CCSER1: variants seen among roughly 807,000 people sequenced by gnomAD.
CCSER1 encodes the protein coiled-coil serine rich protein 1, also known as serine-rich coiled-coil domain-containing protein 1.
CCSER1 carries 41 observed loss-of-function variants against 82.0 expected under a neutral mutation model. The ratio of observed to expected loss-of-function variants is 0.50; its 90% CI spans 0.39 to 0.65. CCSER1 has a LOEUF of 0.65. CCSER1 is among the 30% of genes least tolerant of loss of function. The pLI is 0.00. For missense variants in CCSER1, 1,119 were observed against 1,064.2 expected, an observed-to-expected ratio of 1.05 and a Z score of -0.72; for synonymous variants, 414 against 383.9, an observed-to-expected ratio of 1.08 and a Z score of -0.92.
rs150085533 is a variant in CCSER1 at position 90,524,003 on chromosome 4, A to G, written c.1724+55649A>G. 7.3e-4 allele frequency among the ~76,000 whole-genome samples: 111 copies of G among 152,166 alleles called. 1 individual carries two copies. The highest frequency in any genetic ancestry group is 4.6e-4 in the Non-Finnish European group (31 of 67,982). On this transcript the variant is annotated intron_variant, in intron 5 of 10. Coordinates refer to ENST00000509176, the MANE Select transcript of CCSER1 (RefSeq NM_001145065.2). ...CATCTCTTTCCATATATGACTAACA[A>G]TTCTAAATATCATTTGTAGTGTTCA...
chr4:90,473,046 T>C (rs1764603409), intron 5 of CCSER1, among the ~76,000 whole-genome samples: 1 of 152,140 alleles, frequency 6.6e-6, no homozygotes, highest in Admixed American at 6.5e-5. Flanking sequence ...AATCCTACTG[T>C]TAAAAGTATA....
Position 90,732,991 on chromosome 4 carries a change from T to C in CCSER1, c.2010+9000T>C, listed in dbSNP as rs146634963. 1.6e-3 allele frequency among the ~76,000 whole-genome samples: 249 copies of C among 152,330 alleles called. 1 individual carries two copies. Among genetic ancestry groups the C allele is most frequent in the African/African-American group, 5.8e-3 (242 of 41,580 alleles). ...GCTACGAATAGTGCTACAGTAAACATGGGAGTGCAGATATCTCTTCAATAC... is the reference window on the plus strand; with the variant it reads ...GCTACGAATAGTGCTACAGTAAACACGGGAGTGCAGATATCTCTTCAATAC... On this transcript the variant is annotated intron_variant, in intron 7 of 10. Transcript: ENST00000509176.
At chr4:91,146,324 A>AT (rs1047528381) in intron 10 of CCSER1, among the ~76,000 whole-genome samples, 5 of 151,882 alleles carry the variant, frequency 3.3e-5, no homozygotes, top group Non-Finnish European at 5.9e-5. Context: ...GTCTGGATTC[A>AT]TTTTTTGGCT....
intron 10 of CCSER1, among the ~76,000 whole-genome samples, chr4:91,369,868 G>A (rs899673998): frequency 1.3e-5 from 2 of 149,850 alleles, no homozygotes; most frequent in African/African-American, 4.9e-5. Flanking sequence ...TTTTAGGAGA[G>A]ACGGGGTTTC....
intron 8 of CCSER1, among the ~76,000 whole-genome samples, chr4:90,862,493 T>C (rs1019606704): frequency 2.6e-5 from 4 of 151,954 alleles, no homozygotes; most frequent in African/African-American, 9.7e-5. Context: ...TCTCTTGCCT[T>C]ATGTGAATGT....
intron 4 of CCSER1, among the ~76,000 whole-genome samples, chr4:90,415,566 G>A (rs1313372049): frequency 6.6e-6 from 1 of 152,134 alleles, no homozygotes; most frequent in Non-Finnish European, 1.5e-5. Flanking sequence ...ATGAGCTGTT[G>A]ATGAAAGATA....
chr4:91,423,999 A>G (rs1753823767), intron 10 of CCSER1, among the ~76,000 whole-genome samples: 1 of 89,632 alleles, frequency 1.1e-5, no homozygotes, highest in Non-Finnish European at 2.2e-5. Context: ...AACTCAGCAG[A>G]TCTTTTTTTT....
chr4:90,486,977 T>C (rs1767200519), intron 5 of CCSER1, among the ~76,000 whole-genome samples: 1 of 152,234 alleles, frequency 6.6e-6, no homozygotes, highest in African/African-American at 2.4e-5. Context: ...AAAGGCAGGA[T>C]CTCGGCTTAC....
intron 8 of CCSER1, among the ~76,000 whole-genome samples, chr4:90,884,813 T>C (rs985048476): frequency 2.6e-5 from 4 of 152,086 alleles, no homozygotes; most frequent in African/African-American, 9.7e-5. Flanking sequence ...GAGGAGTGAT[T>C]TTTCCTTTTA....
intron 1 of CCSER1, among the ~76,000 whole-genome samples, chr4:90,190,752 T>C (rs1735471145): frequency 6.6e-6 from 1 of 152,068 alleles, no homozygotes; most frequent in South Asian, 2.1e-4. Flanking sequence ...GTCAGCTCTT[T>C]TATGTGATTA....
At chr4:90,530,264 A>G (rs1578988807) in intron 5 of CCSER1, among the ~76,000 whole-genome samples, 1 of 152,166 alleles carries the variant, frequency 6.6e-6, no homozygotes, top group Non-Finnish European at 1.5e-5. Context: ...CTGTTATTCT[A>G]CTTAAAAGAT....
At chr4:91,194,014 G>A (rs1257894069) in intron 10 of CCSER1, among the ~76,000 whole-genome samples, 1 of 152,052 alleles carries the variant, frequency 6.6e-6, no homozygotes, top group African/African-American at 2.4e-5. Flanking sequence ...CTGTTGCCCA[G>A]GCTGGAGTAC....
chr4:91,211,887 T>C (rs1287733776), intron 10 of CCSER1, among the ~76,000 whole-genome samples: 1 of 152,044 alleles, frequency 6.6e-6, no homozygotes, highest in Non-Finnish European at 1.5e-5. Context: ...TTAAAGAAAT[T>C]ATTAGTTTAA....
intron 1 of CCSER1, among the ~76,000 whole-genome samples, chr4:90,186,284 C>T (rs1734599202): frequency 6.6e-6 from 1 of 151,980 alleles, no homozygotes; most frequent in South Asian, 2.1e-4. Context: ...AGATATGTGT[C>T]AGGTTCTTAT....
chr4:90,312,200 G>A (rs1053587711), intron 2 of CCSER1, among the ~76,000 whole-genome samples: 1 of 152,122 alleles, frequency 6.6e-6, no homozygotes, highest in African/African-American at 2.4e-5. Context: ...GCTGGAGCAT[G>A]CCAGTGATGT....
intron 10 of CCSER1, among the ~76,000 whole-genome samples, chr4:91,454,355 C>T (rs1413361437): frequency 6.6e-6 from 1 of 151,980 alleles, no homozygotes; most frequent in Non-Finnish European, 1.5e-5. Flanking sequence ...ACCCCTTCCC[C>T]CATCTTTAAA....
intron 5 of CCSER1, among the ~76,000 whole-genome samples, chr4:90,478,742 T>TTTA (rs1765458111): frequency 6.6e-6 from 1 of 150,524 alleles, no homozygotes; most frequent in African/African-American, 2.4e-5. Context: ...TTTTTTTTTT[T>TTTA]TTTTTTTATT....
At chr4:90,225,692 TC>T (rs1743036388) in intron 1 of CCSER1, among the ~76,000 whole-genome samples, 1 of 152,198 alleles carries the variant, frequency 6.6e-6, no homozygotes, top group Non-Finnish European at 1.5e-5. Context: ...TTGGTATAGA[TC>T]CTACTTGCTC....
At chr4:91,477,265 A>C (rs1011818329) in intron 10 of CCSER1, among the ~76,000 whole-genome samples, 5 of 151,748 alleles carry the variant, frequency 3.3e-5, no homozygotes, top group African/African-American at 1.2e-4. Context: ...CAATGTTCTT[A>C]AGACAATTCT....
Sources: allele counts gnomAD v4.1 joint callset (sites outside exome capture counted in the v4.1 genomes callset), GRCh38; gene constraint gnomAD v4.1.1; transcripts MANE v1.5; gene names NCBI Gene and HGNC (gene_info 2026-07-23, HGNC 2026-07-21).